CDH13: variants seen among roughly 807,000 people sequenced by gnomAD.
CDH13 encodes the protein cadherin 13.
A neutral mutation model predicts 63.8 loss-of-function variants in CDH13; 24 were observed. The ratio of observed to expected loss-of-function variants is 0.38; its 90% confidence interval spans 0.27 to 0.53. CDH13 has a LOEUF of 0.53. Among genes scored for constraint, CDH13 ranks in the 20% least tolerant of loss-of-function variants. CDH13 has a pLI of 0.85. For synonymous variants in CDH13, 503 were observed against 355.3 expected (o/e 1.42, Z -4.67); for missense variants, 1,049 against 903.1 (o/e 1.16, Z -2.07).
chr16:82,766,201 T>A (rs1257597283), intron 1 of CDH13, among the ~76,000 whole-genome samples: 1 of 152,164 alleles, frequency 6.6e-6, no homozygotes, highest in African/African-American at 2.4e-5. Context: ...GTCTTATTCG[T>A]GAGATGTCTA....
chr16:83,274,695 C>G (rs2088929075), intron 5 of CDH13, among the ~76,000 whole-genome samples: 1 of 152,122 alleles, frequency 6.6e-6, no homozygotes, highest in Admixed American at 6.5e-5. Context: ...TCCTCAGCTT[C>G]TACTGCAATG....
At chr16:83,661,054 T>G (rs1338788707) in intron 8 of CDH13, among the ~76,000 whole-genome samples, 3 of 152,296 alleles carry the variant, frequency 2.0e-5, no homozygotes, top group African/African-American at 7.2e-5. Flanking sequence ...AAAACTTTTT[T>G]TTTTTTTTCA....
intron 1 of CDH13, among the ~76,000 whole-genome samples, chr16:82,643,661 G>T (rs530663091): frequency 6.6e-6 from 1 of 152,332 alleles, no homozygotes; most frequent in South Asian, 2.1e-4. Context: ...TGCCTCACTG[G>T]TTATTATTCT....
At chr16:82,654,813 T>C (rs1056893677) in intron 1 of CDH13, among the ~76,000 whole-genome samples, 3 of 152,010 alleles carry the variant, frequency 2.0e-5, no homozygotes, top group African/African-American at 7.3e-5. Flanking sequence ...ATTAACCACG[T>C]GAAGCAGCTA....
chr16:82,784,400 A>G (rs746576537), intron 1 of CDH13, among the ~76,000 whole-genome samples: 3 of 152,202 alleles, frequency 2.0e-5, no homozygotes, highest in Non-Finnish European at 2.9e-5. Context: ...AGCAAGGGCA[A>G]TGAGGAAATG....
chr16:82,950,157 G>T (rs575381799), intron 2 of CDH13, among the ~76,000 whole-genome samples: 1 of 152,186 alleles, frequency 6.6e-6, no homozygotes, highest in Non-Finnish European at 1.5e-5. Context: ...AGGTAGGGCT[G>T]GTTTCTTCTG....
intron 1 of CDH13, among the ~76,000 whole-genome samples, chr16:82,675,293 T>G (rs987216338): frequency 6.6e-6 from 1 of 152,202 alleles, no homozygotes; most frequent in African/African-American, 2.4e-5. Context: ...TTTCATAAAT[T>G]TATCTAGCCC....
intron 2 of CDH13, among the ~76,000 whole-genome samples, chr16:83,002,123 C>G (rs999420224): frequency 6.6e-6 from 1 of 152,184 alleles, no homozygotes; most frequent in African/African-American, 2.4e-5. Context: ...AAGATATGTC[C>G]ACATCCTAAT....
chr16:83,031,402 A>ATATGTATATACATATACG (rs1298993680), intron 2 of CDH13, among the ~76,000 whole-genome samples: 90 of 140,954 alleles, frequency 6.4e-4, no homozygotes, highest in Non-Finnish European at 1.2e-3. Context: ...ATACATATAC[A>ATATGTATATACATATACG]TGTATATGTA....
At chr16:82,647,863 C>G (rs537576825) in intron 1 of CDH13, among the ~76,000 whole-genome samples, 1 of 152,292 alleles carries the variant, frequency 6.6e-6, no homozygotes, top group Admixed American at 6.5e-5. Context: ...GCCCAAATCT[C>G]ATCTTGAATT....
intron 2 of CDH13, among the ~76,000 whole-genome samples, chr16:82,936,463 A>C (rs1413090932): frequency 6.6e-6 from 1 of 151,930 alleles, no homozygotes; most frequent in Non-Finnish European, 1.5e-5. Context: ...AATCCACCCC[A>C]CCCACCAACT....
Position 83,166,538 on chromosome 16 carries a change from A to G in CDH13, c.483+41037A>G, listed in dbSNP as rs76570255. 3.5e-3 allele frequency among the ~76,000 whole-genome samples: 527 copies of G among 152,242 alleles called. 6 individuals are homozygous for G. Among genetic ancestry groups the G allele is most frequent in the Non-Finnish European group, 5.4e-3 (367 of 68,016 alleles). On this transcript the variant is annotated intron_variant, in intron 4 of 13. Coordinates refer to ENST00000567109, the MANE Select transcript of CDH13 (RefSeq NM_001257.5). The stretch of plus-strand genomic sequence containing the variant: ...TGAACTTCAAGAAAATGTGAGGAAC[A>G]CAGACTTTCTGAGCCAGCTTCCATT...
intron 6 of CDH13, among the ~76,000 whole-genome samples, chr16:83,410,710 C>T (rs1002407265): frequency 6.6e-6 from 1 of 152,102 alleles, no homozygotes; most frequent in African/African-American, 2.4e-5. Context: ...CTCCATTGAA[C>T]TTTTCTGAAA....
At chr16:82,904,251 G>A (rs975118386) in intron 2 of CDH13, among the ~76,000 whole-genome samples, 13 of 152,062 alleles carry the variant, frequency 8.5e-5, no homozygotes, top group African/African-American at 2.7e-4. Flanking sequence ...TGATCTAACC[G>A]ATATGCCTCA....
chr16:83,788,546 T>G (rs1916043224), intron 13 of CDH13, among the ~76,000 whole-genome samples: 1 of 152,140 alleles, frequency 6.6e-6, no homozygotes, highest in African/African-American at 2.4e-5. Flanking sequence ...GTCCTCACTT[T>G]GAGACTCCTG....
intron 2 of CDH13, among the ~76,000 whole-genome samples, chr16:82,966,681 C>T (rs765115679): frequency 2.2e-4 from 34 of 152,012 alleles, no homozygotes; most frequent in Middle Eastern, 3.2e-3. Flanking sequence ...GTAGGTAATT[C>T]CTTTATATTT....
At chr16:83,090,046 G>T (rs146338783) in intron 3 of CDH13, among the ~76,000 whole-genome samples, 1,722 of 152,204 alleles carry the variant, frequency 0.011, 14 homozygotes, top group Non-Finnish European at 0.018. Flanking sequence ...AAAAGTCAGG[G>T]CTTGGGCATA....
intron 1 of CDH13, among the ~76,000 whole-genome samples, chr16:82,709,048 A>G (rs2031714634): frequency 2.6e-5 from 4 of 152,238 alleles, no homozygotes; most frequent in Admixed American, 2.0e-4. Context: ...GGTAAGAATC[A>G]GAGTGAGCTG....
intron 7 of CDH13, among the ~76,000 whole-genome samples, chr16:83,509,249 G>C (rs1035576644): frequency 1.6e-4 from 25 of 152,198 alleles, no homozygotes; most frequent in Admixed American, 2.6e-4. Flanking sequence ...CTTTACAGCA[G>C]GATGATATGT....
Sources: allele counts gnomAD v4.1 joint callset (sites outside exome capture counted in the v4.1 genomes callset), GRCh38; gene constraint gnomAD v4.1.1; transcripts MANE v1.5; gene names NCBI Gene and HGNC (gene_info 2026-07-23, HGNC 2026-07-21).